CFAP54: variants seen among roughly 807,000 people sequenced by gnomAD.
CFAP54 encodes cilia- and flagella-associated protein 54.
CFAP54 carries 290 observed loss-of-function variants against 370.4 expected under a neutral mutation model. The observed-to-expected ratio is 0.78, with a 90% CI of 0.71 to 0.86. The LOEUF (loss-of-function observed/expected upper bound fraction) is 0.86. Among genes scored for constraint, CFAP54 ranks in the 40% least tolerant of loss-of-function variants. CFAP54 has a pLI of 0.00. For missense variants in CFAP54, 3,399 were observed against 3,528.7 expected, an observed-to-expected ratio of 0.96 and a Z score of 0.93; for synonymous variants, 1,206 against 1,236.5, an observed-to-expected ratio of 0.98 and a Z score of 0.52.
chr12:96,588,647 A>G (rs1411510231), intron 22 of CFAP54, among the ~76,000 whole-genome samples: 2 of 151,444 alleles, frequency 1.3e-5, no homozygotes, highest in East Asian at 1.9e-4. Flanking sequence ...CACTTACTTC[A>G]TTCCATGAAT....
At chr12:96,830,995 C>T (rs1483511252) in intron 66 of CFAP54, among the ~76,000 whole-genome samples, 1 of 152,174 alleles carries the variant, frequency 6.6e-6, no homozygotes, top group Non-Finnish European at 1.5e-5. Flanking sequence ...TAGTTTTCCT[C>T]CTCCTCTTCT....
chr12:96,641,392 C>T (rs985162967), intron 32 of CFAP54, among the ~76,000 whole-genome samples: 1 of 152,136 alleles, frequency 6.6e-6, no homozygotes, highest in African/African-American at 2.4e-5. Context: ...CATCTCACAC[C>T]AGTTAGAATG....
chr12:96,690,491 A>G (rs551879599), intron 43 of CFAP54, among the ~76,000 whole-genome samples: 65 of 152,328 alleles, frequency 4.3e-4, no homozygotes, highest in African/African-American at 1.4e-3. Context: ...TGGTTACATA[A>G]ATTACCAAAA....
At chr12:96,734,875 A>T (rs933591285) in intron 50 of CFAP54, among the ~76,000 whole-genome samples, 4 of 152,228 alleles carry the variant, frequency 2.6e-5, no homozygotes, top group Admixed American at 6.5e-5. Context: ...CCATACATAG[A>T]AAAACAAGAT....
At chr12:96,673,086 C>T (rs1187853312) in intron 39 of CFAP54, among the ~76,000 whole-genome samples, 1 of 152,128 alleles carries the variant, frequency 6.6e-6, no homozygotes, top group East Asian at 1.9e-4. Context: ...GTCATTAGAA[C>T]AGGAATATTT....
chr12:96,783,650 G>C (rs1469038292), intron 60 of CFAP54, among the ~76,000 whole-genome samples: 2 of 152,342 alleles, frequency 1.3e-5, no homozygotes, highest in South Asian at 4.1e-4. Flanking sequence ...ATTTTGGAAG[G>C]CCGAGGCAGG....
At chr12:96,665,017 G>GTATCTCAT (rs1957062722) in intron 39 of CFAP54, among the ~76,000 whole-genome samples, 1 of 151,438 alleles carries the variant, frequency 6.6e-6, no homozygotes. Context: ...ATTCTGACTG[G>GTATCTCAT]TGTGAGATGG....
At chr12:96,611,363 C>T (rs1956356612) in intron 26 of CFAP54, among the ~76,000 whole-genome samples, 1 of 151,932 alleles carries the variant, frequency 6.6e-6, no homozygotes, top group Non-Finnish European at 1.5e-5. Context: ...ACAGAAAGGA[C>T]ATCCACACCA....
intron 46 of CFAP54, 144 bp downstream of exon 46, chr12:96,700,237 G>T: frequency 1.1e-6 from 1 of 880,036 alleles, no homozygotes; most frequent in Non-Finnish European, 1.7e-6. Context: ...CTAACATCAG[G>T]ATTTTATGAG....
chr12:96,490,067 G>A, intron 1 of CFAP54, 141 bp downstream of exon 1: 2 of 730,932 alleles, frequency 2.7e-6, no homozygotes, highest in Non-Finnish European at 4.4e-6. Context: ...GAGAGACAAA[G>A]TTTAAGAAGT....
intron 23 of CFAP54, among the ~76,000 whole-genome samples, 195 bp downstream of exon 23, chr12:96,589,758 CTTTT>C (rs1391109484): frequency 6.6e-6 from 1 of 151,580 alleles, no homozygotes. Flanking sequence ...TTCTTTCTTT[CTTTT>C]TTTTAATACT....
intron 66 of CFAP54, among the ~76,000 whole-genome samples, chr12:96,844,665 C>T (rs1404833141): frequency 6.6e-6 from 1 of 152,166 alleles, no homozygotes; most frequent in Non-Finnish European, 1.5e-5. Flanking sequence ...ATACTATTAT[C>T]ATCCTTTTTT....
chr12:96,573,728 A>G (rs890970039), intron 19 of CFAP54, among the ~76,000 whole-genome samples: 1 of 152,228 alleles, frequency 6.6e-6, no homozygotes, highest in South Asian at 2.1e-4. Flanking sequence ...TCCTTGATTC[A>G]TTCATTCAGT....
chr12:96,766,263 C>T lies in CFAP54; in HGVS notation c.8281+1045C>T, dbSNP rs764579661. On this transcript the variant is annotated intron_variant, in intron 60 of 67. Transcript: ENST00000524981. ...AAACTATTTTATAGATTTTTTTTTA[C>T]GCTGAGGTTTTGTTTTCTTACTTTT... Among the ~76,000 whole-genome samples the T allele has an allele frequency of 7.9e-5, 12 of 152,010 alleles. No homozygotes were observed. The East Asian group carries it at 1.4e-3, about 17-fold the overall frequency.
intron 66 of CFAP54, among the ~76,000 whole-genome samples, chr12:96,841,680 T>C (rs1959218094): frequency 6.6e-6 from 1 of 152,230 alleles, no homozygotes; most frequent in African/African-American, 2.4e-5. Context: ...GGTAGCATAA[T>C]ATGTTAGGAA....
chr12:96,827,888 A>AATACATAATT (rs1303310412), intron 65 of CFAP54, among the ~76,000 whole-genome samples: 51 of 112,806 alleles, frequency 4.5e-4, no homozygotes, highest in African/African-American at 1.7e-3. Flanking sequence ...AGTTATATAT[A>AATACATAATT]ATATATAATT....
At chr12:96,870,206 A>G (rs2136472308) in intron 67 of CFAP54, among the ~76,000 whole-genome samples, 1 of 152,062 alleles carries the variant, frequency 6.6e-6, no homozygotes, top group South Asian at 2.1e-4. Flanking sequence ...AGTTGCAGTG[A>G]GCCGAGATCG....
chr12:96,666,828 C>T lies in CFAP54; in HGVS notation c.5563+2896C>T, dbSNP rs151268741. ...ACCAATCATGCCTTCCCAACAGTCC[C>T]CCAAAGTTTTAACTTATTTCAGAAT... On this transcript the variant is annotated intron_variant, in intron 39 of 67. Coordinates refer to ENST00000524981, the MANE Select transcript of CFAP54 (RefSeq NM_001306084.2). Among the ~76,000 whole-genome samples the T allele has an allele frequency of 4.7e-3, 717 of 152,264 alleles. 4 individuals carry two copies. The highest frequency in any genetic ancestry group is 0.016 in the African/African-American group (679 of 41,548).
chr12:96,863,627 G>C (rs1056880520), intron 67 of CFAP54, among the ~76,000 whole-genome samples: 2 of 152,100 alleles, frequency 1.3e-5, no homozygotes, highest in Non-Finnish European at 2.9e-5. Flanking sequence ...CTAAAACTGG[G>C]ACACCTGTCA....
Sources: allele counts gnomAD v4.1 joint callset (sites outside exome capture counted in the v4.1 genomes callset), GRCh38; gene constraint gnomAD v4.1.1; transcripts MANE v1.5; gene names NCBI Gene and HGNC (gene_info 2026-07-23, HGNC 2026-07-21).